The following CDH13 variants were observed in gnomAD, a reference collection of about 807,000 sequenced individuals.
CDH13 encodes the protein cadherin-13.
Under a neutral mutation model 63.8 loss-of-function variants are expected in CDH13, and 24 were observed. The ratio of observed to expected loss-of-function variants is 0.38; its 90% CI spans 0.27 to 0.53. The LOEUF (loss-of-function observed/expected upper bound fraction) is 0.53, where lower values mean the gene tolerates loss of function less well. Among genes scored for constraint, CDH13 ranks in the 20% least tolerant of loss-of-function variants. The pLI, the probability that CDH13 is intolerant of heterozygous loss-of-function variation, is 0.85. For synonymous variants in CDH13, 503 were observed against 355.3 expected, an observed-to-expected ratio of 1.42 and a Z score of -4.67; for missense variants, 1,049 against 903.1, an observed-to-expected ratio of 1.16 and a Z score of -2.07.
At chr16:82,818,885 C>T (rs976390298) in intron 1 of CDH13, among the ~76,000 whole-genome samples, 5 of 152,164 alleles carry the variant, frequency 3.3e-5, no homozygotes, top group African/African-American at 7.2e-5. Context: ...ACATGGCTAA[C>T]GGTAAAATGA....
At chr16:83,320,047 C>T (rs1388150026) in intron 5 of CDH13, among the ~76,000 whole-genome samples, 1 of 152,100 alleles carries the variant, frequency 6.6e-6, no homozygotes. Context: ...TTGGACTGCC[C>T]GTTTGTTTAT....
intron 13 of CDH13, among the ~76,000 whole-genome samples, chr16:83,791,322 C>G (rs1380055315): frequency 6.6e-6 from 1 of 152,022 alleles, no homozygotes; most frequent in Non-Finnish European, 1.5e-5. Flanking sequence ...CATGGTGAAA[C>G]TCATCTCTAC....
At chr16:83,367,177 C>T (rs2091274325) in intron 6 of CDH13, among the ~76,000 whole-genome samples, 1 of 152,206 alleles carries the variant, frequency 6.6e-6, no homozygotes, top group Non-Finnish European at 1.5e-5. Context: ...CTTTCTACCT[C>T]CATGGATTTG....
intron 3 of CDH13, among the ~76,000 whole-genome samples, chr16:83,071,246 C>A (rs1482967057): frequency 6.6e-6 from 1 of 152,160 alleles, no homozygotes; most frequent in Non-Finnish European, 1.5e-5. Context: ...ATGCTTCATT[C>A]AGGCAATAAG....
At position 82,880,235 on chromosome 16, in the gene CDH13, A is replaced by T. The variant is rs560401184; in HGVS notation, c.157+21762A>T. On this transcript the variant is annotated intron_variant, in intron 2 of 13. Transcript: ENST00000567109. The stretch of plus-strand genomic sequence containing the variant: ...TTTGCTTCTCAAGTGCAGCGTCCTC[A>T]TGCTTCTCCCACCTGAACAAATTAT... Among the ~76,000 whole-genome samples, 4 of 152,140 alleles carry T rather than the reference A, an allele frequency of 2.6e-5. No individual in the cohort carries two copies. In the South Asian group the frequency reaches 8.3e-4, roughly 31 times the overall value.
intron 13 of CDH13, among the ~76,000 whole-genome samples, chr16:83,785,537 T>G (rs150710138): frequency 1.3e-5 from 2 of 152,268 alleles, no homozygotes; most frequent in East Asian, 3.9e-4. Flanking sequence ...TAGCAACACA[T>G]TATGCTTGTT....
chr16:83,688,125 T>A (rs1296859018), intron 10 of CDH13, among the ~76,000 whole-genome samples: 2 of 152,258 alleles, frequency 1.3e-5, no homozygotes, highest in African/African-American at 4.8e-5. Context: ...TTCCCATGAT[T>A]CATCAAGTCC....
Position 83,047,581 on chromosome 16 carries a change from C to G in CDH13, c.366+15363C>G, listed in dbSNP as rs781038234. Among the ~76,000 whole-genome samples the G allele has an allele frequency of 6.6e-6, 1 of 152,160 alleles. No individual in the cohort carries two copies. The highest frequency in any genetic ancestry group is 2.4e-5 in the African/African-American group (1 of 41,430). ...AAAATACAAACAGAAAAAAAGCTCC[C>G]TGTATTTTCCCAAATTCTGCATAAA... On this transcript the variant is annotated intron_variant, in intron 3 of 13. Transcript: ENST00000567109. The surrounding 1 kb of genome is among the most constrained non-coding windows in gnomAD (Gnocchi z 4.9).
intron 3 of CDH13, among the ~76,000 whole-genome samples, chr16:83,107,543 T>C (rs2034832699): frequency 6.6e-6 from 1 of 152,146 alleles, no homozygotes; most frequent in African/African-American, 2.4e-5. Context: ...GGAAGTAGTT[T>C]GCATTTAGGA....
chr16:83,771,547 A>G (rs1056585583), intron 11 of CDH13, among the ~76,000 whole-genome samples: 6 of 152,224 alleles, frequency 3.9e-5, no homozygotes, highest in African/African-American at 1.2e-4. Context: ...AAGCACCGCC[A>G]TGGTCTAAAA....
chr16:82,811,162 A>G (rs1391055747), intron 1 of CDH13, among the ~76,000 whole-genome samples: 1 of 152,190 alleles, frequency 6.6e-6, no homozygotes, highest in Non-Finnish European at 1.5e-5. Context: ...CTGTCTTACC[A>G]GCTTGTCAAA....
intron 1 of CDH13, among the ~76,000 whole-genome samples, chr16:82,849,975 T>A (rs1387377620): frequency 6.6e-6 from 1 of 152,242 alleles, no homozygotes; most frequent in East Asian, 1.9e-4. Flanking sequence ...TACCTGGACA[T>A]CCAAAAGTTT....
chr16:82,782,843 T>TA (rs1287716001), intron 1 of CDH13, among the ~76,000 whole-genome samples: 1 of 152,078 alleles, frequency 6.6e-6, no homozygotes, highest in Non-Finnish European at 1.5e-5. Flanking sequence ...TTCCTGGCAC[T>TA]AAGTTCTGCG....
At chr16:82,808,348 T>C (rs892103577) in intron 1 of CDH13, among the ~76,000 whole-genome samples, 1 of 152,188 alleles carries the variant, frequency 6.6e-6, no homozygotes, top group Admixed American at 6.6e-5. Flanking sequence ...GATACCTCTC[T>C]GTCTACTTTC....
At chr16:82,735,515 G>A (rs998550617) in intron 1 of CDH13, among the ~76,000 whole-genome samples, 2 of 152,192 alleles carry the variant, frequency 1.3e-5, no homozygotes, top group Non-Finnish European at 2.9e-5. Flanking sequence ...CTACATGAGT[G>A]GGCAAATCAA....
At chr16:82,646,978 G>A (rs1910170761) in intron 1 of CDH13, among the ~76,000 whole-genome samples, 1 of 152,144 alleles carries the variant, frequency 6.6e-6, no homozygotes, top group Non-Finnish European at 1.5e-5. Flanking sequence ...GTTGTTAATA[G>A]CATCAGTGTT....
intron 1 of CDH13, chr16:82,844,742 C>G (rs1049298383): frequency 6.8e-6 from 1 of 146,288 alleles, no homozygotes; most frequent in South Asian, 2.2e-4. Context: ...CGGGTTCACG[C>G]TATTCTCCTG....
intron 2 of CDH13, among the ~76,000 whole-genome samples, chr16:83,015,006 A>C (rs1261943053): frequency 6.6e-6 from 1 of 150,938 alleles, no homozygotes; most frequent in Non-Finnish European, 1.5e-5. Context: ...ATACTAAGAG[A>C]TAATATGCAG....
At chr16:83,275,337 A>G (rs887290216) in intron 5 of CDH13, among the ~76,000 whole-genome samples, 2 of 152,152 alleles carry the variant, frequency 1.3e-5, no homozygotes, top group East Asian at 1.9e-4. Flanking sequence ...TTCTGTCCAA[A>G]TGGCTGTTGG....
Sources: gnomAD v4.1 joint callset for allele counts (sites outside exome capture counted in the v4.1 genomes callset) on GRCh38, gnomAD v4.1.1 for gene constraint, Gnocchi (gnomAD v3.1) non-coding constraint, MANE v1.5 for transcripts, NCBI Gene and HGNC (gene_info 2026-07-23, HGNC 2026-07-21) for gene names.